Variants in MARCHF1 observed in about 807,000 individuals in gnomAD.
MARCHF1 encodes E3 ubiquitin-protein ligase MARCHF1.
In MARCHF1, 40 loss-of-function variants were observed where a neutral mutation model predicts 54.2. That is an observed-to-expected ratio of 0.74 (90% CI 0.57 to 0.96). The LOEUF is 0.96. Ranked by LOEUF, MARCHF1 falls within the 40% of genes least tolerant of loss-of-function variation. The pLI, the probability that MARCHF1 is intolerant of heterozygous loss-of-function variation, is 0.00. For synonymous variants in MARCHF1, 236 were observed against 236.3 expected (o/e 1.00, Z 0.01); for missense variants, 586 against 656.5 (o/e 0.89, Z 1.17).
At chr4:164,159,701 T>G (rs934062953) in intron 1 of MARCHF1, among the ~76,000 whole-genome samples, 14 of 152,172 alleles carry the variant, frequency 9.2e-5, no homozygotes, top group Admixed American at 3.9e-4. Context: ...GTAAAGGAGC[T>G]ATAAAGGAAA....
At position 164,290,675 on chromosome 4, in the gene MARCHF1, T is replaced by G. The variant is rs529103491; in HGVS notation, c.-323+93195A>C. ...AAAGATAAAATAAATGAATATTTAA[T>G]TCATACTTAATTCAAAGAGGGAAAT... On this transcript the variant is annotated intron_variant, in intron 1 of 9. Transcript: ENST00000514618. 2.6e-5 allele frequency among the ~76,000 whole-genome samples: 4 copies of G among 152,148 alleles called. No homozygotes were observed. In the East Asian group the frequency reaches 7.7e-4, roughly 29 times the overall value.
At chr4:163,926,997 C>T (rs977023319) in intron 3 of MARCHF1, among the ~76,000 whole-genome samples, 8 of 151,686 alleles carry the variant, frequency 5.3e-5, no homozygotes, top group African/African-American at 1.7e-4. Flanking sequence ...ATAACCAATG[C>T]TAATTTTAAG....
chr4:163,914,435 A>G (rs1431430063), intron 3 of MARCHF1, among the ~76,000 whole-genome samples: 7 of 152,180 alleles, frequency 4.6e-5, no homozygotes, highest in Non-Finnish European at 8.8e-5. Context: ...TAAACCAATT[A>G]ATTAAATATA....
At chr4:163,642,011 T>C in intron 5 of MARCHF1, among the ~76,000 whole-genome samples, 1 of 152,198 alleles carries the variant, frequency 6.6e-6, no homozygotes, top group East Asian at 1.9e-4. Flanking sequence ...CCATCTCCAC[T>C]CCTACAGTGC....
intron 1 of MARCHF1, among the ~76,000 whole-genome samples, chr4:164,133,020 G>A (rs372272104): frequency 4.6e-5 from 7 of 152,014 alleles, no homozygotes; most frequent in Admixed American, 2.0e-4. Context: ...GCTTTCTGAC[G>A]GAATAAAGTA....
intron 1 of MARCHF1, among the ~76,000 whole-genome samples, chr4:164,173,668 C>A (rs985840255): frequency 1.1e-4 from 16 of 152,096 alleles, no homozygotes; most frequent in African/African-American, 2.7e-4. Context: ...TTTAAATGAA[C>A]CTTGCATGTC....
intron 8 of MARCHF1, among the ~76,000 whole-genome samples, chr4:163,580,055 C>CTTA (rs1479559153): frequency 2.5e-4 from 32 of 125,624 alleles, no homozygotes; most frequent in Admixed American, 9.3e-4. Flanking sequence ...TTTGTAGAGC[C>CTTA]TTATTTATTA....
At chr4:163,812,177 C>T (rs1579305952) in intron 4 of MARCHF1, among the ~76,000 whole-genome samples, 1 of 151,972 alleles carries the variant, frequency 6.6e-6, no homozygotes, top group African/African-American at 2.4e-5. Context: ...TTCACAGATC[C>T]TGGGACTTCT....
intron 2 of MARCHF1, among the ~76,000 whole-genome samples, chr4:164,073,937 G>T (rs780609576): frequency 1.6e-4 from 25 of 152,026 alleles, no homozygotes; most frequent in Non-Finnish European, 3.4e-4. Flanking sequence ...CCAAGTAGCT[G>T]GGATTTACAG....
At chr4:163,942,672 A>G (rs979084669) in intron 3 of MARCHF1, among the ~76,000 whole-genome samples, 2 of 152,168 alleles carry the variant, frequency 1.3e-5, no homozygotes, top group Admixed American at 1.3e-4. Flanking sequence ...TGCATCTTCA[A>G]TATGGCCCTG....
chr4:163,813,001 A>G (rs1476720622), intron 4 of MARCHF1, among the ~76,000 whole-genome samples: 1 of 152,172 alleles, frequency 6.6e-6, no homozygotes, highest in African/African-American at 2.4e-5. Context: ...GAGGTAGGGT[A>G]TTATAGTTAA....
At chr4:163,986,835 G>T (rs1752879993) in intron 3 of MARCHF1, among the ~76,000 whole-genome samples, 1 of 151,984 alleles carries the variant, frequency 6.6e-6, no homozygotes, top group African/African-American at 2.4e-5. Context: ...TCTAATTCAG[G>T]CCAAGTAGAC....
At chr4:163,964,062 C>A (rs934876250) in intron 3 of MARCHF1, among the ~76,000 whole-genome samples, 12 of 151,922 alleles carry the variant, frequency 7.9e-5, no homozygotes, top group African/African-American at 4.8e-5. Flanking sequence ...TTTTCTGGGA[C>A]CCCAGAGCTC....
At position 163,702,313 on chromosome 4, in the gene MARCHF1, G is replaced by A. The variant is rs142450445; in HGVS notation, c.112-1450C>T. On this transcript the variant is annotated intron_variant, in intron 4 of 9. Transcript: ENST00000514618. ...TGGAGGGAGGCACTTTTCTACTGAC[G>A]TCTCAACTCCTCTTCTAGAGACTAG... 1.8e-3 allele frequency among the ~76,000 whole-genome samples: 275 copies of A among 152,210 alleles called. 1 individual carries two copies. The highest frequency in any genetic ancestry group is 5.5e-3 in the African/African-American group (229 of 41,528).
At chr4:164,364,559 A>G (rs1263646762) in intron 1 of MARCHF1, among the ~76,000 whole-genome samples, 1 of 151,892 alleles carries the variant, frequency 6.6e-6, no homozygotes, top group Non-Finnish European at 1.5e-5. Context: ...TCCATATTCA[A>G]TTTGCCACCC....
At chr4:164,198,694 C>A (rs980068722) in intron 1 of MARCHF1, among the ~76,000 whole-genome samples, 1 of 152,122 alleles carries the variant, frequency 6.6e-6, no homozygotes, top group Non-Finnish European at 1.5e-5. Flanking sequence ...GCCGTAATTC[C>A]ACCAGGAAAC....
intron 1 of MARCHF1, among the ~76,000 whole-genome samples, chr4:164,117,883 A>G (rs902214779): frequency 6.6e-6 from 1 of 152,074 alleles, no homozygotes; most frequent in Non-Finnish European, 1.5e-5. Context: ...TGGGTGACAG[A>G]GCAAGACTCC....
At chr4:163,620,948 C>T (rs1421863872) in intron 5 of MARCHF1, among the ~76,000 whole-genome samples, 1 of 152,160 alleles carries the variant, frequency 6.6e-6, no homozygotes, top group Non-Finnish European at 1.5e-5. Flanking sequence ...ATGACAACTA[C>T]TAACATCAAG....
rs1436085495 is a variant in MARCHF1 at position 163,528,563 on chromosome 4, A to C, written c.*185T>G. The C allele has an allele frequency of 1.0e-5, 6 of 591,156 alleles. No individual in the cohort carries two copies. The highest frequency in any genetic ancestry group is 1.8e-5 in the Non-Finnish European group (6 of 339,554). The allele number at this position is 591,156 out of a possible 1,614,324, so 36.6% of individuals were successfully genotyped here. A position where few individuals can be genotyped will look rare whatever the true frequency, so the allele number is the denominator to read the frequency against. ...ATACTTTACTTTACGCTATTACTTCATGGGCTCCTGGGCATTTGGTCTGTT... is the reference window on the plus strand; with the variant it reads ...ATACTTTACTTTACGCTATTACTTCCTGGGCTCCTGGGCATTTGGTCTGTT... On this transcript the variant is annotated 3_prime_UTR_variant, in exon 10 of 10. Transcript: ENST00000514618.
Sources: gnomAD v4.1 joint callset for allele counts (sites outside exome capture counted in the v4.1 genomes callset) on GRCh38, gnomAD v4.1.1 for gene constraint, MANE v1.5 for transcripts, NCBI Gene and HGNC (gene_info 2026-07-23, HGNC 2026-07-21) for gene names.